IL1RAPL2: variants seen among roughly 807,000 people sequenced by gnomAD.
IL1RAPL2 encodes the protein X-linked interleukin-1 receptor accessory protein-like 2.
IL1RAPL2 carries 3 observed loss-of-function variants against 44.1 expected under a neutral mutation model. The observed-to-expected ratio is 0.07, with a 90% confidence interval of 0.03 to 0.18. The LOEUF (loss-of-function observed/expected upper bound fraction) is 0.18, where lower values mean the gene tolerates loss of function less well. Among genes scored for constraint, IL1RAPL2 ranks in the 10% least tolerant of loss-of-function variants. The probability of loss-of-function intolerance (pLI) is 1.00; values close to 1 mark genes in which losing one functional copy is unlikely to be tolerated. For missense variants in IL1RAPL2, 391 were observed against 496.4 expected (o/e 0.79, Z 2.02); for synonymous variants, 181 against 178.8 (o/e 1.01, Z -0.10).
chrX:105,477,093 CAG>C (rs1267822572), intron 5 of IL1RAPL2, among the ~76,000 whole-genome samples: 1 of 111,878 alleles, frequency 8.9e-6, no homozygotes, highest in African/African-American at 3.3e-5. Context: ...AGGTTTTGAT[CAG>C]AGTCACAACT....
chrX:104,597,633 G>A (rs753334009), intron 1 of IL1RAPL2, among the ~76,000 whole-genome samples: 15 of 111,556 alleles, frequency 1.3e-4, no homozygotes, highest in Admixed American at 1.9e-4. Context: ...GTAAATGGAA[G>A]CACCATTAAC....
rs146853516 is a variant in IL1RAPL2, at chrX:105,748,911, A to T, written c.1049-49A>T. ...TATACTAGAAATATGGGAAGATCCC[A>T]AGTGTTGCTGATTTAATTACCTTTT... On this transcript the variant is annotated intron_variant, in intron 8 of 10. Transcript: ENST00000372582. The T allele has an allele frequency of 3.0e-3, 3,452 of 1,139,743 alleles. 50 individuals are homozygous for T. In the African/African-American group the frequency reaches 0.054, roughly 18 times the overall value. 93.9% of individuals were successfully genotyped at this position (1,139,743 alleles called of 1,213,427 possible).
At chrX:105,121,194 A>G (rs938989227) in intron 2 of IL1RAPL2, among the ~76,000 whole-genome samples, 29 of 112,160 alleles carry the variant, frequency 2.6e-4, no homozygotes, top group African/African-American at 9.1e-4. Flanking sequence ...AGCCTGACCT[A>G]TTAATCCATA....
At chrX:105,458,763 T>A (rs1055180450) in intron 5 of IL1RAPL2, among the ~76,000 whole-genome samples, 4 of 112,032 alleles carry the variant, frequency 3.6e-5, no homozygotes, top group African/African-American at 1.3e-4. Flanking sequence ...TTTTGACTAA[T>A]TCTCTGTGAA....
At chrX:105,115,280 A>G (rs762285442) in intron 2 of IL1RAPL2, among the ~76,000 whole-genome samples, 4 of 111,744 alleles carry the variant, frequency 3.6e-5, no homozygotes, top group Non-Finnish European at 5.6e-5. Flanking sequence ...AGCAAGATTC[A>G]TTGAAAAGAG....
chrX:105,012,085 A>G (rs1203529972), intron 2 of IL1RAPL2, among the ~76,000 whole-genome samples: 1 of 111,465 alleles, frequency 9.0e-6, no homozygotes, highest in Non-Finnish European at 1.9e-5. Flanking sequence ...AATTCAAAAG[A>G]TAATGTTTTG....
chrX:104,729,323 G>A (rs1012261910), intron 2 of IL1RAPL2, among the ~76,000 whole-genome samples: 9 of 110,331 alleles, frequency 8.2e-5, no homozygotes, highest in East Asian at 2.9e-4. Flanking sequence ...CTTGATCATC[G>A]TCCCAACTAT....
chrX:105,580,362 G>GTTTTTTT (rs149950677), intron 6 of IL1RAPL2, among the ~76,000 whole-genome samples: 1 of 84,651 alleles, frequency 1.2e-5, no homozygotes, highest in Non-Finnish European at 2.3e-5. Context: ...AACCCCCCGT[G>GTTTTTTT]TTTTTTTTTT....
intron 7 of IL1RAPL2, among the ~76,000 whole-genome samples, chrX:105,726,746 T>G (rs1056442482): frequency 3.6e-5 from 4 of 110,810 alleles, no homozygotes; most frequent in East Asian, 5.7e-4. Context: ...TTAACCCCCA[T>G]TTTTTCCAAT....
chrX:104,896,212 G>T lies in IL1RAPL2; in HGVS notation c.82+237217G>T, dbSNP rs781077793. 6.1e-4 allele frequency among the ~76,000 whole-genome samples: 68 copies of T among 112,124 alleles called. 2 individuals are homozygous for T. The highest frequency in any genetic ancestry group is 2.1e-3 in the African/African-American group (66 of 30,863). ...CCATCTTGCTATTACTCGCCTTCAG[G>T]CTGTGTATTTTTAACCTCCTTGTCA... On this transcript the variant is annotated intron_variant, in intron 2 of 10. Coordinates refer to ENST00000372582, the MANE Select transcript of IL1RAPL2 (RefSeq NM_017416.2).
At chrX:105,342,148 G>A (rs1300589007) in intron 5 of IL1RAPL2, among the ~76,000 whole-genome samples, 7 of 87,323 alleles carry the variant, frequency 8.0e-5, no homozygotes, top group Admixed American at 7.7e-4. Flanking sequence ...ATCACACACT[G>A]GGGACTGTTG....
At chrX:105,710,359 C>CTT (rs61023852) in intron 6 of IL1RAPL2, among the ~76,000 whole-genome samples, 11,936 of 65,766 alleles carry the variant, frequency 0.18, 1,874 homozygotes, top group African/African-American at 0.39. Context: ...GAAAATCCTA[C>CTT]TTTTTTTTTT....
chrX:105,212,880 A>C (rs1390172367), intron 3 of IL1RAPL2, among the ~76,000 whole-genome samples: 1 of 112,232 alleles, frequency 8.9e-6, no homozygotes, highest in Admixed American at 9.4e-5. Context: ...GACCTGCAGA[A>C]GAGGGACGTG....
chrX:105,681,815 G>C (rs995030378), intron 6 of IL1RAPL2, among the ~76,000 whole-genome samples: 1 of 111,545 alleles, frequency 9.0e-6, no homozygotes, highest in Admixed American at 9.5e-5. Context: ...TGCTCCATAA[G>C]ATCTTGTATT....
chrX:104,624,504 C>G (rs1929461632), intron 1 of IL1RAPL2, among the ~76,000 whole-genome samples: 1 of 111,274 alleles, frequency 9.0e-6, no homozygotes, highest in African/African-American at 3.3e-5. Flanking sequence ...CAAATGAAAA[C>G]ACCATATCAA....
intron 7 of IL1RAPL2, among the ~76,000 whole-genome samples, chrX:105,727,699 A>C (rs1418336394): frequency 9.0e-6 from 1 of 111,714 alleles, no homozygotes; most frequent in Non-Finnish European, 1.9e-5. Flanking sequence ...GCCTTAGTTA[A>C]ATTTATTAGA....
At chrX:104,950,329 G>T (rs1925535252) in intron 2 of IL1RAPL2, among the ~76,000 whole-genome samples, 1 of 112,342 alleles carries the variant, frequency 8.9e-6, no homozygotes, top group Non-Finnish European at 1.9e-5. Flanking sequence ...CCCGTTCTCA[G>T]ATCTCCAGCT....
At chrX:105,719,920 C>T (rs2038288703) in intron 7 of IL1RAPL2, among the ~76,000 whole-genome samples, 1 of 111,462 alleles carries the variant, frequency 9.0e-6, no homozygotes, top group South Asian at 3.7e-4. Context: ...GAAATCAATA[C>T]AACTGAATTC....
chrX:105,445,569 A>G (rs1280269277), intron 5 of IL1RAPL2, among the ~76,000 whole-genome samples: 74 of 110,931 alleles, frequency 6.7e-4, no homozygotes, highest in Non-Finnish European at 1.2e-3. Context: ...TATATCCCAT[A>G]GGTTTTGTAT....
Sources: gnomAD v4.1 joint callset for allele counts (sites outside exome capture counted in the v4.1 genomes callset) on GRCh38, gnomAD v4.1.1 for gene constraint, MANE v1.5 for transcripts, NCBI Gene and HGNC (gene_info 2026-07-23, HGNC 2026-07-21) for gene names.